The following UTRN variants were observed in gnomAD, a reference collection of about 807,000 sequenced individuals.
The protein encoded by UTRN is dystrophin-related protein 1.
UTRN carries 283 observed loss-of-function variants against 463.9 expected under a neutral mutation model. The ratio of observed to expected loss-of-function variants is 0.61; its 90% CI spans 0.55 to 0.67. The LOEUF (loss-of-function observed/expected upper bound fraction) is 0.67, where lower values mean the gene tolerates loss of function less well. UTRN is among the 30% of genes least tolerant of loss of function. The pLI is 0.00. For synonymous variants in UTRN, 1,442 were observed against 1,431.5 expected (o/e 1.01, Z -0.17); for missense variants, 3,922 against 4,084.3 (o/e 0.96, Z 1.08).
At chr6:144,528,719 G>A (rs1428016584) in intron 41 of UTRN, among the ~76,000 whole-genome samples, 2 of 152,214 alleles carry the variant, frequency 1.3e-5, no homozygotes, top group Non-Finnish European at 2.9e-5. Flanking sequence ...GAGTGAAGCG[G>A]CCTCTGTGAG....
At position 144,523,038 on chromosome 6, in the gene UTRN, A is replaced by G; in HGVS notation, c.5756A>G (p.Lys1919Arg). ...TAGAATATCAAAGACCAACTGGACA[A>G]ACTTGGAGAGCAGATTGCAGTCATT... Reference protein sequence around the residue: ...SLKNIKDQLDKLGEQIAVIHE... With the variant: ...SLKNIKDQLDRLGEQIAVIHE... The change falls in exon 41 of 75, where the codon AAA (lysine) becomes AGA (arginine). Residue 1919 changes from lysine (K) to arginine (R), a missense_variant. Transcript: ENST00000367545. 2 of 1,608,810 alleles carry G rather than the reference A, an allele frequency of 1.2e-6. No individual in the cohort carries two copies. Among genetic ancestry groups the G allele is most frequent in the Non-Finnish European group, 8.5e-7 (1 of 1,178,366 alleles).
intron 50 of UTRN, among the ~76,000 whole-genome samples, chr6:144,570,603 T>C (rs1468057250): frequency 6.6e-6 from 1 of 152,192 alleles, no homozygotes; most frequent in Non-Finnish European, 1.5e-5. Context: ...TCATACAAAG[T>C]GAATATTTTT....
intron 9 of UTRN, among the ~76,000 whole-genome samples, chr6:144,430,335 T>G (rs1372716037): frequency 6.6e-6 from 1 of 152,188 alleles, no homozygotes; most frequent in Non-Finnish European, 1.5e-5. Context: ...TCTTCCTTAG[T>G]TCTACTGTTT....
intron 18 of UTRN, 68 bp downstream of exon 18, chr6:144,451,561 A>G (rs1225055980): frequency 1.3e-6 from 2 of 1,507,082 alleles, no homozygotes; most frequent in African/African-American, 1.4e-5. Context: ...TTCTGCTGGC[A>G]TAAAGACATT....
chr6:144,440,685 A>G (rs930314634), intron 13 of UTRN, among the ~76,000 whole-genome samples: 2 of 152,172 alleles, frequency 1.3e-5, no homozygotes, highest in African/African-American at 4.8e-5. Flanking sequence ...GGGTGAATGG[A>G]TGGGGCTGGT....
At chr6:144,417,513 C>A (rs1429950277) in intron 3 of UTRN, among the ~76,000 whole-genome samples, 1 of 146,742 alleles carries the variant, frequency 6.8e-6, no homozygotes, top group Admixed American at 6.6e-5. Context: ...TTATAAGTCT[C>A]TTAGAACATA....
intron 2 of UTRN, among the ~76,000 whole-genome samples, chr6:144,309,068 C>T (rs557305577): frequency 6.6e-6 from 1 of 152,278 alleles, no homozygotes; most frequent in East Asian, 1.9e-4. Context: ...CTTATTCCAC[C>T]TCTCAATAGC....
intron 12 of UTRN, 99 bp from the exon 13 acceptor site, chr6:144,440,253 C>A: frequency 8.3e-7 from 1 of 1,201,842 alleles, no homozygotes; most frequent in Non-Finnish European, 1.2e-6. Flanking sequence ...AAATATGATG[C>A]CTCATTAACT....
At chr6:144,583,748 A>G (rs1229824054) in intron 51 of UTRN, 1 of 437,868 alleles carries the variant, frequency 2.3e-6, no homozygotes, top group African/African-American at 2.0e-5. Flanking sequence ...GAATTGCATA[A>G]TTACATTTTG....
chr6:144,729,495 G>GAACT (rs1180795931), intron 53 of UTRN, among the ~76,000 whole-genome samples: 1 of 152,142 alleles, frequency 6.6e-6, no homozygotes, highest in Non-Finnish European at 1.5e-5. Context: ...GGTTGCCAGG[G>GAACT]AACTACACCG....
chr6:144,382,351 G>T (rs973952149), intron 2 of UTRN, among the ~76,000 whole-genome samples: 15 of 152,310 alleles, frequency 9.8e-5, no homozygotes, highest in African/African-American at 3.4e-4. Context: ...ACAGCAGTTG[G>T]TATTCCCTTA....
intron 2 of UTRN, among the ~76,000 whole-genome samples, chr6:144,355,406 T>C (rs958434389): frequency 6.6e-6 from 1 of 152,062 alleles, no homozygotes; most frequent in African/African-American, 2.4e-5. Flanking sequence ...CCTATGCTTC[T>C]CAGGTTGGTC....
chr6:144,715,616 C>T (rs888218277), intron 53 of UTRN, among the ~76,000 whole-genome samples: 1 of 152,012 alleles, frequency 6.6e-6, no homozygotes, highest in East Asian at 1.9e-4. Flanking sequence ...CCAAAATGCC[C>T]CTTCTTTACT....
intron 52 of UTRN, among the ~76,000 whole-genome samples, chr6:144,692,136 TGTG>T (rs1323978216): frequency 3.3e-5 from 5 of 152,192 alleles, no homozygotes; most frequent in Non-Finnish European, 7.4e-5. Flanking sequence ...AGTGAAGACA[TGTG>T]GTATTTGGTT....
At chr6:144,699,446 A>AT (rs1227733015) in intron 52 of UTRN, among the ~76,000 whole-genome samples, 25 of 137,962 alleles carry the variant, frequency 1.8e-4, no homozygotes, top group East Asian at 6.4e-4. Context: ...TCTCAAAAAA[A>AT]AAAATAATAA....
intron 34 of UTRN, among the ~76,000 whole-genome samples, chr6:144,509,917 T>A (rs1365434378): frequency 6.6e-6 from 1 of 152,172 alleles, no homozygotes; most frequent in Non-Finnish European, 1.5e-5. Context: ...TGAAAGATTC[T>A]TATTAATAAT....
intron 61 of UTRN, among the ~76,000 whole-genome samples, chr6:144,783,901 A>G (rs1165948308): frequency 6.6e-6 from 1 of 152,136 alleles, no homozygotes; most frequent in African/African-American, 2.4e-5. Flanking sequence ...TCTCTGTCTG[A>G]TATTTTTTAA....
chr6:144,784,632 C>A (rs1209212412), intron 61 of UTRN, among the ~76,000 whole-genome samples: 2 of 152,200 alleles, frequency 1.3e-5, no homozygotes, highest in Non-Finnish European at 2.9e-5. Flanking sequence ...ATAATGCACA[C>A]ATATGCTCTT....
chr6:144,828,837 G>A lies in UTRN; in HGVS notation c.9647G>A (p.Ser3216Asn), dbSNP rs915522376. The part of the protein sequence containing the change: ...RTNGSFLTDS[S>N]STTGSVEDEH... ...AATGGGTCTTTTCTCACTGATAGCA[G>A]CTCCACCACAGGAAGTGTGTAAGTA... Residue 3216 changes from serine (S) to asparagine (N), a missense_variant, in exon 69 of 75, where the codon AGC (serine) becomes AAC (asparagine). This residue lies in a region of UTRN where 1,309 missense variants were observed against 1,452.6 expected (regional missense o/e 0.90). Coordinates refer to ENST00000367545, the MANE Select transcript of UTRN (RefSeq NM_007124.3). The A allele has an allele frequency of 2.5e-6, 4 of 1,613,302 alleles. No individual in the cohort carries two copies. The Admixed American group carries it at 5.0e-5, about 20-fold the overall frequency.
Sources: gnomAD v4.1 joint callset for allele counts (sites outside exome capture counted in the v4.1 genomes callset) on GRCh38, gnomAD v4.1.1 for gene constraint, gnomAD v4.1.1 regional missense constraint, MANE v1.5 for transcripts, NCBI Gene and HGNC (gene_info 2026-07-23, HGNC 2026-07-21) for gene names.